WRN: variants seen among roughly 807,000 people sequenced by gnomAD.
The protein encoded by WRN is bifunctional 3'-5' exonuclease/ATP-dependent helicase WRN.
In WRN, 149 loss-of-function variants were observed where a neutral mutation model predicts 180.7. That is an observed-to-expected ratio of 0.82 (90% CI 0.72 to 0.94). WRN has a LOEUF of 0.94. WRN is among the 40% of genes least tolerant of loss of function. WRN has a pLI of 0.00. For missense variants in WRN, 1,661 were observed against 1,700.1 expected, an observed-to-expected ratio of 0.98 and a Z score of 0.40; for synonymous variants, 548 against 568.9, an observed-to-expected ratio of 0.96 and a Z score of 0.52.
At chr8:31,125,051 C>G in intron 23 of WRN, 51 bp downstream of exon 23, 1 of 1,532,942 alleles carries the variant, frequency 6.5e-7, no homozygotes, top group Non-Finnish European at 9.0e-7. Flanking sequence ...TCTTTCTCTT[C>G]CTTTTCATGT....
chr8:31,128,630 CG>C (rs1185399477), intron 23 of WRN, among the ~76,000 whole-genome samples: 2 of 152,136 alleles, frequency 1.3e-5, no homozygotes, highest in Non-Finnish European at 2.9e-5. Context: ...GAGGCCGAGG[CG>C]GGTGGATCCC....
At position 31,076,257 on chromosome 8, in the gene WRN, A is replaced by AT. The variant is rs1813089918; in HGVS notation, c.810dup (p.Ala271CysfsTer4). On this transcript the variant is annotated frameshift_variant, in exon 8 of 35. Coordinates refer to ENST00000298139, the MANE Select transcript of WRN (RefSeq NM_000553.6). LOFTEE classifies it high-confidence loss of function. Reference sequence around the variant, plus strand: ...ATGGATCTGGCTAAGCATCTTCCTCATGCTTTCAGTAAATTGGAAAACCCA... The same window carrying AT: ...ATGGATCTGGCTAAGCATCTTCCTCATTGCTTTCAGTAAATTGGAAAACCCA... 1 of 1,613,796 alleles carries AT rather than the reference A, an allele frequency of 6.2e-7. No individual in the cohort carries two copies. Among genetic ancestry groups the AT allele is most frequent in the Non-Finnish European group, 8.5e-7 (1 of 1,179,890 alleles).
intron 18 of WRN, among the ~76,000 whole-genome samples, chr8:31,106,260 C>T (rs1801092377): frequency 6.6e-6 from 1 of 152,148 alleles, no homozygotes; most frequent in South Asian, 2.1e-4. Flanking sequence ...TCCTTAGGGC[C>T]TCCTGCTTTC....
intron 19 of WRN, 107 bp downstream of exon 19, chr8:31,111,906 A>T: frequency 2.2e-6 from 3 of 1,347,146 alleles, no homozygotes; most frequent in Non-Finnish European, 3.1e-6. Context: ...CATATTTAAC[A>T]TATTTCAAAT....
intron 28 of WRN, among the ~76,000 whole-genome samples, chr8:31,146,824 G>A (rs965418307): frequency 6.6e-6 from 1 of 152,168 alleles, no homozygotes; most frequent in Non-Finnish European, 1.5e-5. Flanking sequence ...CACCAATTTT[G>A]TGATGAACTC....
chr8:31,068,401 C>T lies in WRN; in HGVS notation c.724+74C>T, dbSNP rs3087408. The stretch of plus-strand genomic sequence containing the variant: ...TTATCTCCAAAAAAGGCAATATTCA[C>T]ATATTTGCAAAGCATTTAGTACTAT... On this transcript the variant is annotated intron_variant, in intron 7 of 34. Transcript: ENST00000298139. The T allele has an allele frequency of 2.2e-3, 2,772 of 1,268,450 alleles. 52 individuals are homozygous for T. The African/African-American group carries it at 0.037, about 17-fold the overall frequency. The allele number at this position is 1,268,450 out of a possible 1,614,324, so 78.6% of individuals were successfully genotyped here.
At chr8:31,129,001 G>T (rs1802043416) in intron 23 of WRN, among the ~76,000 whole-genome samples, 1 of 152,054 alleles carries the variant, frequency 6.6e-6, no homozygotes, top group South Asian at 2.1e-4. Context: ...TTGACATAGG[G>T]TCACTACAGG....
chr8:31,111,787 T>C lies in WRN; in HGVS notation c.2261T>C (p.Leu754Pro), dbSNP rs1801329167. ...GNILQDLQPF[L>P]VKTSSHWEFE... ...ATCCTTCAGGATCTGCAGCCATTTC[T>C]TGTCAAAACAAGGTAAGGATTTAAT... Residue 754 changes from leucine (L) to proline (P), a missense_variant, in exon 19 of 35, where the codon CTT becomes CCT. Coordinates refer to ENST00000298139, the MANE Select transcript of WRN (RefSeq NM_000553.6). 6.2e-7 allele frequency: 1 copy of C among 1,613,880 alleles called. No individual in the cohort carries two copies. Among genetic ancestry groups the C allele is most frequent in the African/African-American group, 1.3e-5 (1 of 74,920 alleles).
In WRN at chr8:31,090,475, A is replaced by C; in HGVS notation, c.1663A>C (p.Lys555Gln). ...GHSSFKPVQW[K>Q]VIHSVLEERR... ...CTTTTCACCTTCAAGAGTTCAGTGG[A>C]AAGTGATTCATTCAGTATTAGAAGA... Residue 555 changes from lysine (K) to glutamine (Q), a missense_variant, in exon 14 of 35, where the codon AAA becomes CAA. Physicochemically the swap from Lys to Gln is moderately conservative, Grantham distance 53. This residue lies in a region of WRN where 1,141 missense variants were observed against 1,149.4 expected (regional missense o/e 0.99). Coordinates refer to ENST00000298139, the MANE Select transcript of WRN (RefSeq NM_000553.6). The C allele has an allele frequency of 6.2e-7, 1 of 1,612,142 alleles. No homozygotes were observed. Among genetic ancestry groups the C allele is most frequent in the Non-Finnish European group, 8.5e-7 (1 of 1,178,676 alleles).
intron 24 of WRN, among the ~76,000 whole-genome samples, chr8:31,134,693 A>G (rs376284421): frequency 7.1e-4 from 108 of 152,316 alleles, no homozygotes; most frequent in African/African-American, 2.5e-3. Flanking sequence ...CAGAATGCCA[A>G]ATCTTGTCGT....
intron 13 of WRN, among the ~76,000 whole-genome samples, chr8:31,089,853 A>C (rs1331128437): frequency 6.6e-6 from 1 of 151,984 alleles, no homozygotes; most frequent in Non-Finnish European, 1.5e-5. Flanking sequence ...CCATCCATTC[A>C]TATGTCTCTA....
At chr8:31,107,600 T>C (rs1801146214) in intron 18 of WRN, among the ~76,000 whole-genome samples, 1 of 152,218 alleles carries the variant, frequency 6.6e-6, no homozygotes. Context: ...CTGGTGGTTA[T>C]AGTAGTATCA....
chr8:31,051,639 T>C (rs2129968577), intron 1 of WRN, among the ~76,000 whole-genome samples: 1 of 152,316 alleles, frequency 6.6e-6, no homozygotes, highest in East Asian at 1.9e-4. Context: ...ACCAACCTTA[T>C]GGAATAGGTC....
intron 24 of WRN, among the ~76,000 whole-genome samples, 169 bp from the exon 25 acceptor site, chr8:31,141,261 T>C (rs1346064015): frequency 1.3e-5 from 2 of 152,222 alleles, no homozygotes; most frequent in African/African-American, 4.8e-5. Context: ...ATAATGTATT[T>C]ATTTGTGAGT....
intron 33 of WRN, among the ~76,000 whole-genome samples, chr8:31,160,136 A>G (rs1320486424): frequency 6.6e-6 from 1 of 152,164 alleles, no homozygotes; most frequent in African/African-American, 2.4e-5. Context: ...AAAAATTTAT[A>G]TTTGACAGTA....
chr8:31,060,041 G>A (rs953575803), intron 3 of WRN, among the ~76,000 whole-genome samples: 3 of 151,568 alleles, frequency 2.0e-5, no homozygotes, highest in African/African-American at 7.3e-5. Flanking sequence ...GGGCGACAGA[G>A]TGAGGCTCCG....
At chr8:31,140,507 G>A (rs1020226167) in intron 24 of WRN, among the ~76,000 whole-genome samples, 2 of 152,170 alleles carry the variant, frequency 1.3e-5, no homozygotes, top group Admixed American at 6.5e-5. Flanking sequence ...CTTGATGGCT[G>A]TGAAGAGCGT....
rs1268292745 is a variant in WRN, at chr8:31,154,758, A to G, written c.3819+3A>G. On this transcript the variant is annotated splice_donor_region_variant and intron_variant, in intron 32 of 34. Coordinates refer to ENST00000298139, the MANE Select transcript of WRN (RefSeq NM_000553.6). Reference sequence around the variant, plus strand: ...TCCAAGAAAAGAAGATGCCTTTGGTAAGTGTGACTTTCATGTTACAGGGAA... The same window carrying G: ...TCCAAGAAAAGAAGATGCCTTTGGTGAGTGTGACTTTCATGTTACAGGGAA... 9 of 1,613,220 alleles carry G rather than the reference A, an allele frequency of 5.6e-6. No homozygotes were observed. The African/African-American group carries it at 1.2e-4, about 22-fold the overall frequency.
intron 7 of WRN, among the ~76,000 whole-genome samples, chr8:31,070,534 C>G (rs538757597): frequency 6.6e-6 from 1 of 152,068 alleles, no homozygotes; most frequent in South Asian, 2.1e-4. Flanking sequence ...CCGTAGTGAA[C>G]AAGCCAGGCA....
Sources: gnomAD v4.1 joint callset for allele counts (sites outside exome capture counted in the v4.1 genomes callset) on GRCh38, gnomAD v4.1.1 for gene constraint, gnomAD v4.1.1 regional missense constraint, MANE v1.5 for transcripts, NCBI Gene and HGNC (gene_info 2026-07-23, HGNC 2026-07-21) for gene names.